Variants in C2CD2L observed in about 807,000 individuals in gnomAD.
The protein encoded by C2CD2L is C2CD2 like, also known as phospholipid transfer protein C2CD2L.
Under a neutral mutation model 69.9 loss-of-function variants are expected in C2CD2L, and 24 were observed. The observed-to-expected ratio is 0.34, with a 90% confidence interval of 0.25 to 0.48. C2CD2L has a LOEUF of 0.48. C2CD2L is among the 20% of genes least tolerant of loss of function. The pLI is 0.99. For synonymous variants in C2CD2L, 367 were observed against 391.0 expected (o/e 0.94, Z 0.72); for missense variants, 811 against 941.5 (o/e 0.86, Z 1.81).
At chr11:119,103,775 A>G (rs599385), upstream of C2CD2L, among the ~76,000 whole-genome samples, 45,560 of 152,122 alleles carry the variant, frequency 0.3, 7,654 homozygotes, top group East Asian at 0.49. Context: ...CAACAACAAA[A>G]ACCCAGATAT....
At chr11:119,113,151 C>T (rs1946794937) in intron 10 of C2CD2L, 1 of 514,438 alleles carries the variant, frequency 1.9e-6, no homozygotes, top group Non-Finnish European at 3.5e-6. Context: ...TCCAGCTTCC[C>T]CTCTGGCTTT....
At position 119,112,510 on chromosome 11, in the gene C2CD2L, T is replaced by C. The variant is rs1374072737; in HGVS notation, c.1113T>C (p.Pro371=). 1.9e-6 allele frequency: 3 copies of C among 1,613,812 alleles called. No individual in the cohort carries two copies. The highest frequency in any genetic ancestry group is 8.5e-7 in the Non-Finnish European group (1 of 1,179,892). ...DTELLGQATL[P]VGSPSRPLSR... ...AACTCCTAGGCCAGGCCACACTGCCTGTGGGCTCCCCCTCCAGACCACTGT... is the reference window on the plus strand; with the variant it reads ...AACTCCTAGGCCAGGCCACACTGCCCGTGGGCTCCCCCTCCAGACCACTGT... Residue 371 remains proline (P), a synonymous_variant, in exon 9 of 14, where the codon CCT becomes CCC. Transcript: ENST00000648610.
chr11:119,112,470 C>A lies in C2CD2L; in HGVS notation c.1085-12C>A, dbSNP rs763559660. 3 of 1,613,910 alleles carry A rather than the reference C, an allele frequency of 1.9e-6. No homozygotes were observed. On this transcript the variant is annotated splice_polypyrimidine_tract_variant and intron_variant, in intron 8 of 13. Transcript: ENST00000648610. ...CCATGGGCCCAGCTCACAGTGCCAT[C>A]CCTTTCCCCAGCCGAACTCCTAGGC...
chr11:119,107,645 G>C lies in C2CD2L; in HGVS notation c.-97G>C. 4 of 699,092 alleles carry C rather than the reference G, an allele frequency of 5.7e-6. No homozygotes were observed. Among genetic ancestry groups the C allele is most frequent in the Non-Finnish European group, 8.4e-6 (4 of 477,098 alleles). The allele number at this position is 699,092 out of a possible 1,614,324, so 43.3% of individuals were successfully genotyped here. Reference sequence around the variant, plus strand: ...CCCCGACCCCGCGCGCCCAGCCCCGGGGGAGCCCACCTCCTCCCCGCGGCC... The same window carrying C: ...CCCCGACCCCGCGCGCCCAGCCCCGCGGGAGCCCACCTCCTCCCCGCGGCC... On this transcript the variant is annotated 5_prime_UTR_variant, in exon 1 of 14. Transcript: ENST00000648610. This position sits in a 1 kb window ranked among gnomAD's most constrained non-coding sequence, Gnocchi z 5.4.
rs1565779715 is a variant in C2CD2L at position 119,117,181 on chromosome 11, T to G, written c.*925T>G. On this transcript the variant is annotated 3_prime_UTR_variant, in exon 14 of 14. Coordinates refer to ENST00000648610, the MANE Select transcript of C2CD2L (RefSeq NM_001290474.2). ...CAGCCAGGCTGTGACATGGATGGTG[T>G]GGGAGGATGAGACAGGGGCCCGGAT... is the stretch of plus-strand genomic sequence containing the variant. 6.6e-6 allele frequency: 1 copy of G among 152,580 alleles called. No homozygotes were observed. Among genetic ancestry groups the G allele is most frequent in the East Asian group, 1.9e-4 (1 of 5,196 alleles). The allele number at this position is 152,580 out of a possible 1,614,324, so 9.5% of individuals were successfully genotyped here.
chr11:119,110,707 TG>T lies in C2CD2L; in HGVS notation c.570+30del. On this transcript the variant is annotated intron_variant, in intron 3 of 13. Coordinates refer to ENST00000648610, the MANE Select transcript of C2CD2L (RefSeq NM_001290474.2). The surrounding 1 kb of genome is among the most constrained non-coding windows in gnomAD (Gnocchi z 5.7). Reference sequence around the variant, plus strand: ...TAGAAGGGGATGTGGGAAACTGAGTTGGGCAGGGGCGGTTCCATTGGCTCAG... The same window carrying T: ...TAGAAGGGGATGTGGGAAACTGAGTTGGCAGGGGCGGTTCCATTGGCTCAG... 2 of 1,613,344 alleles carry T rather than the reference TG, an allele frequency of 1.2e-6. No homozygotes were observed. The highest frequency in any genetic ancestry group is 8.5e-7 in the Non-Finnish European group (1 of 1,179,484).
chr11:119,113,047 T>A lies in C2CD2L; in HGVS notation c.1387+173T>A. 12 of 624,886 alleles carry A rather than the reference T, an allele frequency of 1.9e-5. No individual in the cohort carries two copies. In the South Asian group the frequency reaches 2.4e-4, roughly 12 times the overall value. 38.7% of individuals were successfully genotyped at this position (624,886 alleles called of 1,614,324 possible). A position where few individuals can be genotyped will look rare whatever the true frequency, so the allele number is the denominator to read the frequency against. ...ATCTTTGTCTCTTCCAAACTTTCCCTTACCTCCTGCCATTTCCCCAGCAAT... is the reference window on the plus strand; with the variant it reads ...ATCTTTGTCTCTTCCAAACTTTCCCATACCTCCTGCCATTTCCCCAGCAAT... On this transcript the variant is annotated intron_variant, in intron 10 of 13. Transcript: ENST00000648610.
rs1163256814 is a variant in C2CD2L, at chr11:119,114,706, A to AG, written c.1909+343dup. ...CTCACACCGGCACTTTGGGAGGCCA[A>AG]GGCGGGTGGCTTACCTGAGTCCAGG... On this transcript the variant is annotated intron_variant, in intron 13 of 13. Coordinates refer to ENST00000648610, the MANE Select transcript of C2CD2L (RefSeq NM_001290474.2). This position sits in a 1 kb window ranked among gnomAD's most constrained non-coding sequence, Gnocchi z 5.1. 6.3e-6 allele frequency: 2 copies of AG among 317,902 alleles called. No individual in the cohort carries two copies. Among genetic ancestry groups the AG allele is most frequent in the Non-Finnish European group, 1.2e-5 (2 of 166,216 alleles). 19.7% of individuals were successfully genotyped at this position (317,902 alleles called of 1,614,324 possible).
Position 119,116,318 on chromosome 11 carries a change from C to G in C2CD2L, c.*62C>G. ...CATTCCCCACCTCCCCTTCCATACC[C>G]CTTCCTGGATCTCCAGTGCCTGGGC... On this transcript the variant is annotated 3_prime_UTR_variant, in exon 14 of 14. Coordinates refer to ENST00000648610, the MANE Select transcript of C2CD2L (RefSeq NM_001290474.2). 1 of 1,341,940 alleles carries G rather than the reference C, an allele frequency of 7.5e-7. No individual in the cohort carries two copies. Among genetic ancestry groups the G allele is most frequent in the Admixed American group, 1.7e-5 (1 of 57,464 alleles). 83.1% of individuals were successfully genotyped at this position (1,341,940 alleles called of 1,614,324 possible).
chr11:119,110,459 T>C lies in C2CD2L; in HGVS notation c.451-102T>C. ...TATGATCCTGAAAACATGAAGTCCTTAGGAAAACGGAAGTGGGGAGGGGTC... is the reference window on the plus strand; with the variant it reads ...TATGATCCTGAAAACATGAAGTCCTCAGGAAAACGGAAGTGGGGAGGGGTC... On this transcript the variant is annotated intron_variant, in intron 2 of 13. Coordinates refer to ENST00000648610, the MANE Select transcript of C2CD2L (RefSeq NM_001290474.2). This position sits in a 1 kb window ranked among gnomAD's most constrained non-coding sequence, Gnocchi z 5.7. The C allele has an allele frequency of 7.4e-7, 1 of 1,343,756 alleles. No homozygotes were observed. The allele number at this position is 1,343,756 out of a possible 1,614,324, so 83.2% of individuals were successfully genotyped here.
At position 119,108,088 on chromosome 11, in the gene C2CD2L, G is replaced by A. The variant is rs1263640070; in HGVS notation, c.347G>A (p.Arg116Lys). 1 of 1,592,012 alleles carries A rather than the reference G, an allele frequency of 6.3e-7. No homozygotes were observed. The highest frequency in any genetic ancestry group is 8.5e-7 in the Non-Finnish European group (1 of 1,170,560). ...CGAGCGCTGAACGAGCAGGCCTGCA[G>A]AAACGGGGTGAGTTGGACCAAGCGC... ...WVRALNEQAC[R>K]NGSSIQIAFE... Residue 116 changes from arginine (R) to lysine (K), a missense_variant, in exon 1 of 14, where the codon AGA (arginine) becomes AAA (lysine). Physicochemically the swap from Arg to Lys is conservative, Grantham distance 26 (BLOSUM62 2). Transcript: ENST00000648610.
Position 119,116,238 on chromosome 11 carries a change from CCCCAGCCCCCAGCT to C in C2CD2L, c.2105_2118del (p.Pro702LeufsTer6). ...AATCCAAACCCAAGGCCAATGGTAA[CCCCAGCCCCCAGCT>C]CTGAGGACCCAGCTCTGAAAGGGCA... On this transcript the variant is annotated frameshift_variant, in exon 14 of 14. Coordinates refer to ENST00000648610, the MANE Select transcript of C2CD2L (RefSeq NM_001290474.2). LOFTEE classifies it high-confidence loss of function. 1 of 1,613,942 alleles carries C rather than the reference CCCCAGCCCCCAGCT, an allele frequency of 6.2e-7. No individual in the cohort carries two copies. Among genetic ancestry groups the C allele is most frequent in the Admixed American group, 1.7e-5 (1 of 60,036 alleles).
chr11:119,114,505 T>A lies in C2CD2L; in HGVS notation c.1909+140T>A. ...CCAGCCTAGTTCAGCCAAGCTAGCC[T>A]AGAGGGGGATCTTGGTGCCTTGGTT... On this transcript the variant is annotated intron_variant, in intron 13 of 13. Coordinates refer to ENST00000648610, the MANE Select transcript of C2CD2L (RefSeq NM_001290474.2). This position sits in a 1 kb window ranked among gnomAD's most constrained non-coding sequence, Gnocchi z 5.1. 1 of 793,166 alleles carries A rather than the reference T, an allele frequency of 1.3e-6. No homozygotes were observed. Among genetic ancestry groups the A allele is most frequent in the Non-Finnish European group, 2.0e-6 (1 of 501,296 alleles). The allele number at this position is 793,166 out of a possible 1,614,324, so 49.1% of individuals were successfully genotyped here.
rs1447363077 is a variant in C2CD2L, at chr11:119,110,806, A to C, written c.571-41A>C. 1 of 1,609,678 alleles carries C rather than the reference A, an allele frequency of 6.2e-7. No homozygotes were observed. The highest frequency in any genetic ancestry group is 8.5e-7 in the Non-Finnish European group (1 of 1,176,784). On this transcript the variant is annotated intron_variant, in intron 3 of 13. Transcript: ENST00000648610. This position sits in a 1 kb window ranked among gnomAD's most constrained non-coding sequence, Gnocchi z 5.7. ...TCCTCGAATTAGGAGTCCTTGGGTAAATGGGGCAAGTCAGCCCAGTCACTT... is the reference window on the plus strand; with the variant it reads ...TCCTCGAATTAGGAGTCCTTGGGTACATGGGGCAAGTCAGCCCAGTCACTT...
At position 119,117,640 on chromosome 11, in the gene C2CD2L, T is replaced by C. The variant is rs1289087020; in HGVS notation, c.*1384T>C. 2.0e-5 allele frequency: 3 copies of C among 152,188 alleles called. No individual in the cohort carries two copies. The highest frequency in any genetic ancestry group is 4.4e-5 in the Non-Finnish European group (3 of 68,030). 9.4% of individuals were successfully genotyped at this position (152,188 alleles called of 1,614,324 possible). On this transcript the variant is annotated 3_prime_UTR_variant, in exon 14 of 14. Coordinates refer to ENST00000648610, the MANE Select transcript of C2CD2L (RefSeq NM_001290474.2). Reference sequence around the variant, plus strand: ...GGGAGGGGGAAGTCTTAGAAGTGTTTCAACATAATAAAAGCTCTCTCATTC... The same window carrying C: ...GGGAGGGGGAAGTCTTAGAAGTGTTCCAACATAATAAAAGCTCTCTCATTC...
Position 119,116,267 on chromosome 11 carries a change from C to T in C2CD2L, c.*11C>T, listed in dbSNP as rs1219047331. On this transcript the variant is annotated 3_prime_UTR_variant, in exon 14 of 14. Coordinates refer to ENST00000648610, the MANE Select transcript of C2CD2L (RefSeq NM_001290474.2). Reference sequence around the variant, plus strand: ...AGCCCCCAGCTCTGAGGACCCAGCTCTGAAAGGGCACGAGTTCTCTCAGCC... The same window carrying T: ...AGCCCCCAGCTCTGAGGACCCAGCTTTGAAAGGGCACGAGTTCTCTCAGCC... 1.2e-6 allele frequency: 2 copies of T among 1,600,176 alleles called. No homozygotes were observed. Among genetic ancestry groups the T allele is most frequent in the Non-Finnish European group, 1.7e-6 (2 of 1,167,488 alleles).
chr11:119,113,617 C>A lies in C2CD2L; in HGVS notation c.1394C>A (p.Pro465His). ...RPRIDGKLDS[P>H]SRSPSKVEVT... ...ACCCTCCCCCACCCACCAGACTCCC[C>A]CTCCCGCTCCCCGTCCAAGGTGGAG... Residue 465 changes from proline (P) to histidine (H), a missense_variant, in exon 11 of 14, where the codon CCC becomes CAC. Transcript: ENST00000648610. The A allele has an allele frequency of 6.2e-7, 1 of 1,613,078 alleles. No individual in the cohort carries two copies. Among genetic ancestry groups the A allele is most frequent in the East Asian group, 2.2e-5 (1 of 44,862 alleles).
At chr11:119,105,398 G>A (rs185016755), upstream of C2CD2L, among the ~76,000 whole-genome samples, 1 of 152,330 alleles carries the variant, frequency 6.6e-6, no homozygotes, top group Non-Finnish European at 1.5e-5. Flanking sequence ...CAGCACTTTG[G>A]GAGGCCGAGG....
rs1232180941 is a variant in C2CD2L, at chr11:119,117,329, A to T, written c.*1073A>T. 6.6e-6 allele frequency: 1 copy of T among 151,924 alleles called. No homozygotes were observed. The highest frequency in any genetic ancestry group is 1.9e-4 in the East Asian group (1 of 5,176). 9.4% of individuals were successfully genotyped at this position (151,924 alleles called of 1,614,324 possible). On this transcript the variant is annotated 3_prime_UTR_variant, in exon 14 of 14. Coordinates refer to ENST00000648610, the MANE Select transcript of C2CD2L (RefSeq NM_001290474.2). ...CTGGAGTATGAAATTGTAGCAAAAA[A>T]CTCAATCAACTAGTACAGGTTAGTC...
Sources: allele counts gnomAD v4.1 joint callset (sites outside exome capture counted in the v4.1 genomes callset), GRCh38; gene constraint gnomAD v4.1.1; non-coding constraint Gnocchi (gnomAD v3.1); transcripts MANE v1.5; gene names NCBI Gene and HGNC (gene_info 2026-07-23, HGNC 2026-07-21).